BANP: variants seen among roughly 807,000 people sequenced by gnomAD.
The protein encoded by BANP is BTG3 associated nuclear protein.
In BANP, 11 loss-of-function variants were observed where a neutral mutation model predicts 68.1. The observed-to-expected ratio is 0.16, with a 90% CI of 0.10 to 0.27. BANP has a LOEUF of 0.27. Among genes scored for constraint, BANP ranks in the 10% least tolerant of loss-of-function variants. The probability of loss-of-function intolerance (pLI) is 1.00; values close to 1 mark genes in which losing one functional copy is unlikely to be tolerated. For synonymous variants in BANP, 329 were observed against 303.2 expected (o/e 1.09, Z -0.88); for missense variants, 504 against 722.7 (o/e 0.70, Z 3.47).
At position 87,984,239 on chromosome 16, in the gene BANP, G is replaced by C; in HGVS notation, c.342G>C (p.Gln114His). The C allele has an allele frequency of 6.3e-7, 1 of 1,597,600 alleles. No homozygotes were observed. The highest frequency in any genetic ancestry group is 1.7e-4 in the Middle Eastern group (1 of 6,044). ...CCGGCTCCCCTCTCGGGGCAACCCA[G>C]ACGTGCAACAAAGTGCGATGGTAAG... ...MVAGSPLGAT[Q>H]TCNKVRCVVP... Residue 114 changes from glutamine (Q) to histidine (H), a missense_variant, in exon 4 of 14, where the codon CAG (glutamine) becomes CAC (histidine). By Grantham distance (24) the Gln-to-His change is conservative. Around this residue, in one of 3 missense-constraint regions of BANP, gnomAD observed 238 missense variants for 278.9 expected, o/e 0.85. Coordinates refer to ENST00000682872, the MANE Select transcript of BANP (RefSeq NM_001386991.1).
chr16:88,012,011 C>A (rs1018700279), intron 6 of BANP, among the ~76,000 whole-genome samples: 1 of 152,182 alleles, frequency 6.6e-6, no homozygotes, highest in African/African-American at 2.4e-5. Context: ...GTCCCTAGTC[C>A]CCAGGATCCT....
At chr16:88,050,978 C>T (rs1354598479) in intron 11 of BANP, among the ~76,000 whole-genome samples, 2 of 152,228 alleles carry the variant, frequency 1.3e-5, no homozygotes, top group Non-Finnish European at 2.9e-5. Flanking sequence ...TGAGCCACCA[C>T]ACCCAGCCTG....
intron 7 of BANP, among the ~76,000 whole-genome samples, chr16:88,024,392 T>TA (rs1014530433): frequency 2.6e-5 from 4 of 151,632 alleles, no homozygotes; most frequent in Admixed American, 6.6e-5. Context: ...ATGAGGCTTT[T>TA]AAAAAAAAAT....
intron 13 of BANP, among the ~76,000 whole-genome samples, chr16:88,074,250 C>A (rs1259368350): frequency 6.6e-6 from 1 of 152,174 alleles, no homozygotes. Flanking sequence ...TTGCATCTTG[C>A]ATGGGTCAGA....
chr16:87,977,572 T>G (rs1485548232), intron 2 of BANP, among the ~76,000 whole-genome samples: 1 of 152,226 alleles, frequency 6.6e-6, no homozygotes, highest in Non-Finnish European at 1.5e-5. Flanking sequence ...GTACTTTCCT[T>G]GTCTTGAACG....
At chr16:87,991,856 A>G (rs757421728) in intron 4 of BANP, among the ~76,000 whole-genome samples, 1 of 152,190 alleles carries the variant, frequency 6.6e-6, no homozygotes, top group Non-Finnish European at 1.5e-5. Context: ...TAGAATTTCT[A>G]TACCTTCTCT....
intron 11 of BANP, among the ~76,000 whole-genome samples, chr16:88,046,693 A>C (rs1598830625): frequency 6.6e-6 from 1 of 151,508 alleles, no homozygotes; most frequent in African/African-American, 2.4e-5. Flanking sequence ...TTATATAGGC[A>C]CCCGCCACCG....
rs752872887 is a variant in BANP, at chr16:88,006,177, G to C, written c.567G>C (p.Ser189=). The change falls in exon 6 of 14, where the codon TCG becomes TCC. Residue 189 remains serine, a synonymous_variant. Coordinates refer to ENST00000682872, the MANE Select transcript of BANP (RefSeq NM_001386991.1). ...ACCACGAGGACGGGGAGAGCGGCTC[G>C]GAGGCCAGCGACTCTGTGTCCAGCT... ...DSHHEDGESG[S]EASDSVSSCG... The C allele has an allele frequency of 2.9e-5, 47 of 1,613,558 alleles. No homozygotes were observed. In the South Asian group the frequency reaches 3.8e-4, roughly 13 times the overall value.
At chr16:88,035,139 G>T in intron 9 of BANP, 184 bp from the exon 10 acceptor site, 1 of 621,048 alleles carries the variant, frequency 1.6e-6, no homozygotes, top group East Asian at 2.9e-5. Context: ...TGGATGAGGG[G>T]GACTACTGTG....
At position 88,048,023 on chromosome 16, in the gene BANP, G is replaced by A. The variant is rs377366645; in HGVS notation, c.1311+10012G>A. Reference sequence around the variant, plus strand: ...CAGGAAAGCTGATGGGTGATGGGACGTGCAGGGCCGGCTCAAAGAGCACCA... The same window carrying A: ...CAGGAAAGCTGATGGGTGATGGGACATGCAGGGCCGGCTCAAAGAGCACCA... On this transcript the variant is annotated intron_variant, in intron 11 of 13. Transcript: ENST00000682872. 5.9e-5 allele frequency among the ~76,000 whole-genome samples: 9 copies of A among 152,338 alleles called. No individual in the cohort carries two copies. The South Asian group carries it at 6.2e-4, about 11-fold the overall frequency.
chr16:88,007,270 G>C (rs761197291), intron 6 of BANP, among the ~76,000 whole-genome samples: 22 of 152,136 alleles, frequency 1.4e-4, no homozygotes, highest in South Asian at 4.1e-4. Flanking sequence ...GTGTCTGGAC[G>C]TGGGCTCTCA....
Position 88,074,817 on chromosome 16 carries a change from C to G in BANP, c.1522-1773C>G, listed in dbSNP as rs2091236860. 3.3e-5 allele frequency among the ~76,000 whole-genome samples: 5 copies of G among 152,224 alleles called. No homozygotes were observed. In the South Asian group the frequency reaches 1.0e-3, roughly 32 times the overall value. Reference sequence around the variant, plus strand: ...CAGCTGTGGCCGGGCTCGCAGGAGACAGTCCTCATACTGACCCCTCATCCT... The same window carrying G: ...CAGCTGTGGCCGGGCTCGCAGGAGAGAGTCCTCATACTGACCCCTCATCCT... On this transcript the variant is annotated intron_variant, in intron 13 of 13. Transcript: ENST00000682872.
chr16:88,074,809 G>A (rs1008657259), intron 13 of BANP, among the ~76,000 whole-genome samples: 1 of 152,114 alleles, frequency 6.6e-6, no homozygotes, highest in Admixed American at 6.5e-5. Context: ...GGCCGGGCTC[G>A]CAGGAGACAG....
chr16:88,016,630 C>T (rs757826567), intron 6 of BANP, among the ~76,000 whole-genome samples: 7 of 152,196 alleles, frequency 4.6e-5, no homozygotes, highest in Non-Finnish European at 8.8e-5. Flanking sequence ...GTAGAATCCC[C>T]GGAAGCTGGA....
chr16:88,075,686 T>G (rs991142567), intron 13 of BANP, among the ~76,000 whole-genome samples: 9 of 152,028 alleles, frequency 5.9e-5, no homozygotes, highest in African/African-American at 2.2e-4. Flanking sequence ...CTGGGGCGTG[T>G]TCCGTGTGGC....
At chr16:88,050,861 T>C (rs560457889) in intron 11 of BANP, among the ~76,000 whole-genome samples, 4 of 152,130 alleles carry the variant, frequency 2.6e-5, no homozygotes, top group African/African-American at 9.6e-5. Flanking sequence ...CTAATTTTTT[T>C]ATTTTTATAG....
chr16:88,007,189 G>T (rs1169724193), intron 6 of BANP, among the ~76,000 whole-genome samples: 1 of 152,084 alleles, frequency 6.6e-6, no homozygotes, highest in Non-Finnish European at 1.5e-5. Context: ...TGCTTTCCAG[G>T]GATGGCCCCC....
At chr16:87,983,455 G>A (rs1325335203) in intron 3 of BANP, among the ~76,000 whole-genome samples, 1 of 152,100 alleles carries the variant, frequency 6.6e-6, no homozygotes, top group Non-Finnish European at 1.5e-5. Context: ...GGTCCGGCAC[G>A]TGACTGCTCA....
intron 2 of BANP, chr16:87,980,680 T>A (rs2063089682): frequency 4.3e-6 from 1 of 234,538 alleles, no homozygotes. Flanking sequence ...AGATAAAACT[T>A]TATTTTAAAG....
Sources: allele counts gnomAD v4.1 joint callset (sites outside exome capture counted in the v4.1 genomes callset), GRCh38; gene constraint gnomAD v4.1.1; regional missense constraint gnomAD v4.1.1; transcripts MANE v1.5; gene names NCBI Gene and HGNC (gene_info 2026-07-23, HGNC 2026-07-21).